Variants in ATP8B1 observed in about 807,000 individuals in gnomAD.
ATP8B1 encodes the protein ATPase phospholipid transporting 8B1.
Under a neutral mutation model 149.9 loss-of-function variants are expected in ATP8B1, and 80 were observed. The observed-to-expected ratio is 0.53, with a 90% confidence interval of 0.45 to 0.64. The LOEUF (loss-of-function observed/expected upper bound fraction) is 0.64. Among genes scored for constraint, ATP8B1 ranks in the 30% least tolerant of loss-of-function variants. ATP8B1 has a pLI of 0.00. For synonymous variants in ATP8B1, 536 were observed against 562.8 expected (o/e 0.95, Z 0.67); for missense variants, 1,247 against 1,552.6 (o/e 0.80, Z 3.31).
chr18:57,694,879 A>C (rs988258422), intron 10 of ATP8B1, among the ~76,000 whole-genome samples: 33 of 152,040 alleles, frequency 2.2e-4, no homozygotes, highest in African/African-American at 7.5e-4. Flanking sequence ...AAAATACAAA[A>C]ATTATCTGGG....
At chr18:57,785,481 T>TTTG (rs1205202164) in intron 1 of ATP8B1, among the ~76,000 whole-genome samples, 2 of 152,306 alleles carry the variant, frequency 1.3e-5, no homozygotes, top group East Asian at 3.9e-4. Flanking sequence ...AATATCTATT[T>TTTG]TTGTTGTTGT....
intron 15 of ATP8B1, among the ~76,000 whole-genome samples, chr18:57,677,511 T>C (rs1176204483): frequency 1.0e-5 from 1 of 95,356 alleles, no homozygotes; most frequent in African/African-American, 3.5e-5. Context: ...CTTGGAATGG[T>C]TGGTGCTCTG....
chr18:57,685,298 C>T (rs548113013), intron 13 of ATP8B1, among the ~76,000 whole-genome samples, 183 bp from the exon 14 acceptor site: 2 of 152,178 alleles, frequency 1.3e-5, no homozygotes, highest in East Asian at 3.9e-4. Flanking sequence ...ATTCAAATAC[C>T]AGTGGCTGTC....
chr18:57,683,772 T>G (rs1162263563), intron 15 of ATP8B1, among the ~76,000 whole-genome samples: 2 of 152,236 alleles, frequency 1.3e-5, no homozygotes, highest in Admixed American at 1.3e-4. Flanking sequence ...CAATCATTTC[T>G]TTCAACAAGA....
At chr18:57,770,514 T>C (rs947786246) in intron 1 of ATP8B1, among the ~76,000 whole-genome samples, 15 of 152,218 alleles carry the variant, frequency 9.9e-5, no homozygotes, top group Non-Finnish European at 2.1e-4. Context: ...GACACAAGGC[T>C]CCTTTCTCCT....
At chr18:57,770,997 G>A (rs572387666) in intron 1 of ATP8B1, among the ~76,000 whole-genome samples, 17 of 152,252 alleles carry the variant, frequency 1.1e-4, no homozygotes, top group African/African-American at 3.6e-4. Flanking sequence ...CTGATAGCTG[G>A]GATTACAGGC....
At chr18:57,801,148 GA>G (rs2080569316) in intron 1 of ATP8B1, among the ~76,000 whole-genome samples, 1 of 152,196 alleles carries the variant, frequency 6.6e-6, no homozygotes, top group Non-Finnish European at 1.5e-5. Context: ...AGGAAAACTT[GA>G]AAGCAGCCAG....
chr18:57,752,022 A>G (rs1599192803), intron 1 of ATP8B1, among the ~76,000 whole-genome samples: 3 of 152,098 alleles, frequency 2.0e-5, no homozygotes, highest in East Asian at 1.9e-4. Flanking sequence ...CCTGGGCAAC[A>G]TGGCGAAACC....
chr18:57,793,774 AAGG>A (rs1403024173), intron 1 of ATP8B1, among the ~76,000 whole-genome samples: 1 of 152,044 alleles, frequency 6.6e-6, no homozygotes, highest in East Asian at 1.9e-4. Flanking sequence ...TGACCTTCTC[AAGG>A]AGGTTCCACT....
rs776343793 is a variant in ATP8B1 at position 57,704,542 on chromosome 18, C to A, written c.393+13G>T. ...TATAATTCAAACAGATTTAAGATAG[C>A]AAAGGGCATTACCTGTAAGATAAGA... On this transcript the variant is annotated intron_variant, in intron 4 of 27. Coordinates refer to ENST00000648908, the MANE Select transcript of ATP8B1 (RefSeq NM_001374385.1). 4 of 1,502,394 alleles carry A rather than the reference C, an allele frequency of 2.7e-6. No individual in the cohort carries two copies. In the Admixed American group the frequency reaches 5.0e-5, roughly 19 times the overall value. 93.1% of individuals were successfully genotyped at this position (1,502,394 alleles called of 1,614,324 possible).
At chr18:57,666,282 A>G (rs1266837053) in intron 20 of ATP8B1, among the ~76,000 whole-genome samples, 4 of 152,130 alleles carry the variant, frequency 2.6e-5, no homozygotes, top group Admixed American at 1.3e-4. Flanking sequence ...TTCAAAGCTA[A>G]CAAACGTTTC....
intron 19 of ATP8B1, chr18:57,668,132 A>G (rs1568186770): frequency 7.4e-7 from 1 of 1,358,208 alleles, no homozygotes; most frequent in East Asian, 4.2e-5. Flanking sequence ...GACAAGAGGG[A>G]TGGCCCTTTC....
intron 1 of ATP8B1, among the ~76,000 whole-genome samples, chr18:57,770,953 T>C (rs1335479122): frequency 6.6e-6 from 1 of 152,224 alleles, no homozygotes; most frequent in Non-Finnish European, 1.5e-5. Flanking sequence ...AACTTCTGCC[T>C]CCTAGGTTCA....
At chr18:57,666,827 C>T (rs1024046027) in intron 20 of ATP8B1, among the ~76,000 whole-genome samples, 1 of 152,162 alleles carries the variant, frequency 6.6e-6, no homozygotes, top group Non-Finnish European at 1.5e-5. Context: ...TGAGCCACTG[C>T]GCCTGGCCTG....
intron 2 of ATP8B1, among the ~76,000 whole-genome samples, chr18:57,713,153 CT>C (rs916155209): frequency 7.2e-6 from 1 of 138,608 alleles, no homozygotes; most frequent in Non-Finnish European, 1.6e-5. Flanking sequence ...TGCTCTTGAT[CT>C]TTCTCTTTCT....
intron 7 of ATP8B1, 24 bp from the exon 8 acceptor site, chr18:57,697,712 T>C: frequency 1.2e-6 from 2 of 1,611,054 alleles, no homozygotes; most frequent in Non-Finnish European, 1.7e-6. Flanking sequence ...AACACACAAA[T>C]AACACCGAGA....
intron 3 of ATP8B1, among the ~76,000 whole-genome samples, chr18:57,705,625 A>G (rs546256101): frequency 1.3e-5 from 2 of 152,140 alleles, no homozygotes; most frequent in East Asian, 3.9e-4. Context: ...AAGCCAAGGA[A>G]CTCCAAGGAT....
intron 2 of ATP8B1, among the ~76,000 whole-genome samples, chr18:57,722,425 G>A (rs200668685): frequency 0.13 from 17,518 of 132,198 alleles, 1,252 homozygotes; most frequent in East Asian, 0.41. Flanking sequence ...TATCACCACC[G>A]ATCCCACAGA....
At chr18:57,712,048 C>CATATAT (rs10622264) in intron 2 of ATP8B1, among the ~76,000 whole-genome samples, 1,665 of 144,338 alleles carry the variant, frequency 0.012, 37 homozygotes, top group African/African-American at 0.022. Flanking sequence ...CCTCTATTGG[C>CATATAT]ATATATATAT....
Sources: gnomAD v4.1 joint callset for allele counts (sites outside exome capture counted in the v4.1 genomes callset) on GRCh38, gnomAD v4.1.1 for gene constraint, MANE v1.5 for transcripts, NCBI Gene and HGNC (gene_info 2026-07-23, HGNC 2026-07-21) for gene names.